EIF3L: variants seen among roughly 807,000 people sequenced by gnomAD.
EIF3L encodes eukaryotic translation initiation factor 3 subunit L, also known as eIEF associated protein HSPC021.
EIF3L carries 32 observed loss-of-function variants against 74.6 expected under a neutral mutation model. That is an observed-to-expected ratio of 0.43 (90% CI 0.32 to 0.58). The LOEUF is 0.58. Among genes scored for constraint, EIF3L ranks in the 20% least tolerant of loss-of-function variants. The pLI is 0.06. For missense variants in EIF3L, 474 were observed against 707.8 expected (o/e 0.67, Z 3.75); for synonymous variants, 256 against 254.4 (o/e 1.01, Z -0.06).
intron 10 of EIF3L, chr22:37,877,314 C>T (rs902044506): frequency 4.7e-6 from 1 of 211,042 alleles, no homozygotes; most frequent in Non-Finnish European, 9.6e-6. Context: ...TGTTGCACGG[C>T]ACATTACTAT....
chr22:37,850,003 C>T lies in EIF3L; in HGVS notation c.34-12C>T, dbSNP rs1432948652. 6.2e-7 allele frequency: 1 copy of T among 1,613,580 alleles called. No individual in the cohort carries two copies. The highest frequency in any genetic ancestry group is 1.3e-5 in the African/African-American group (1 of 74,900). On this transcript the variant is annotated splice_polypyrimidine_tract_variant and intron_variant, in intron 1 of 12. Coordinates refer to ENST00000652021, the MANE Select transcript of EIF3L (RefSeq NM_016091.4). ...TTGGCGGCTGTCCTTGACTGTGTCT[C>T]TTTCCTTCTAGGCGGCTTATGACCC...
chr22:37,880,323 C>T (rs987425060), intron 11 of EIF3L: 2 of 152,032 alleles, frequency 1.3e-5, no homozygotes, highest in Admixed American at 6.6e-5. Context: ...CTGTGTTAGC[C>T]AGGATGGTCT....
chr22:37,857,961 G>C (rs1925622849), intron 4 of EIF3L, among the ~76,000 whole-genome samples: 1 of 151,968 alleles, frequency 6.6e-6, no homozygotes, highest in South Asian at 2.1e-4. Flanking sequence ...CTTGAGGCTG[G>C]GAGATTTAGA....
At chr22:37,858,761 G>GT (rs367547054) in intron 5 of EIF3L, 21 bp downstream of exon 5, 27,846 of 1,271,664 alleles carry the variant, frequency 0.022, 3 homozygotes, top group South Asian at 0.026. Context: ...AAGTGTCGCA[G>GT]TTTTTTTTTT....
chr22:37,880,650 C>A (rs1927002046), intron 11 of EIF3L: 1 of 152,062 alleles, frequency 6.6e-6, no homozygotes, highest in South Asian at 2.1e-4. Flanking sequence ...GCCACTGTTC[C>A]CAGCCGATTT....
intron 11 of EIF3L, chr22:37,878,860 T>C: frequency 6.6e-6 from 1 of 152,138 alleles, no homozygotes; most frequent in Non-Finnish European, 1.5e-5. Context: ...GTTGCAATGT[T>C]AAATACGGTG....
At position 37,850,026 on chromosome 22, in the gene EIF3L, C is replaced by A. The variant is rs1052660684; in HGVS notation, c.45C>A (p.Asp15Glu). ...ADDYESEAAYDPYAYPSDYDM... is the reference protein window; with the variant it reads ...ADDYESEAAYEPYAYPSDYDM... Reference sequence around the variant, plus strand: ...CTCTTTCCTTCTAGGCGGCTTATGACCCCTACGCTTATCCCAGCGACTATG... The same window carrying A: ...CTCTTTCCTTCTAGGCGGCTTATGAACCCTACGCTTATCCCAGCGACTATG... The change falls in exon 2 of 13, where the codon GAC (aspartate) becomes GAA (glutamate). Residue 15 changes from aspartate (D) to glutamate (E), a missense_variant. Around this residue, in one of 4 missense-constraint regions of EIF3L, gnomAD observed 39 missense variants for 24.2 expected, o/e 1.61. Transcript: ENST00000652021. The A allele has an allele frequency of 6.2e-7, 1 of 1,613,766 alleles. No individual in the cohort carries two copies. The highest frequency in any genetic ancestry group is 8.5e-7 in the Non-Finnish European group (1 of 1,179,810).
intron 7 of EIF3L, among the ~76,000 whole-genome samples, chr22:37,863,770 AAG>A (rs953968502): frequency 2.5e-4 from 37 of 150,870 alleles, no homozygotes; most frequent in African/African-American, 8.8e-4. Flanking sequence ...TTTTTTTTTT[AAG>A]AGTCAGGGTC....
intron 3 of EIF3L, among the ~76,000 whole-genome samples, chr22:37,855,204 C>T (rs889670160): frequency 2.0e-5 from 3 of 152,040 alleles, no homozygotes; most frequent in Non-Finnish European, 4.4e-5. Context: ...TGTTTAGAGA[C>T]GTTTGGATGT....
Position 37,888,720 on chromosome 22 carries a change from T to C in EIF3L, c.*256T>C. 2.1e-6 allele frequency: 1 copy of C among 476,314 alleles called. No individual in the cohort carries two copies. The highest frequency in any genetic ancestry group is 3.7e-6 in the Non-Finnish European group (1 of 269,604). The allele number at this position is 476,314 out of a possible 1,614,324, so 29.5% of individuals were successfully genotyped here. A position where few individuals can be genotyped will look rare whatever the true frequency, so the allele number is the denominator to read the frequency against. ...TCCTGATGCTTTCAGGATACATCAG[T>C]TGTTAGTGTTTAAATTGAGTTATTT... On this transcript the variant is annotated 3_prime_UTR_variant, in exon 13 of 13. Transcript: ENST00000652021.
At chr22:37,855,311 T>G (rs1022377445) in intron 3 of EIF3L, among the ~76,000 whole-genome samples, 5 of 152,196 alleles carry the variant, frequency 3.3e-5, no homozygotes, top group Non-Finnish European at 7.3e-5. Context: ...CTATAGTTAA[T>G]GATACAGAGG....
intron 5 of EIF3L, among the ~76,000 whole-genome samples, chr22:37,862,721 GATC>G (rs1276087024): frequency 1.3e-5 from 2 of 152,164 alleles, no homozygotes; most frequent in African/African-American, 4.8e-5. Flanking sequence ...TGCTTTGCCA[GATC>G]ATCATCCCTG....
At chr22:37,868,314 G>A (rs548853784) in intron 7 of EIF3L, among the ~76,000 whole-genome samples, 23 of 149,544 alleles carry the variant, frequency 1.5e-4, no homozygotes, top group Admixed American at 4.0e-4. Context: ...TAGTAGAGAC[G>A]GGGTTTCACC....
At chr22:37,863,405 C>T (rs937945532) in intron 7 of EIF3L, 60 bp downstream of exon 7, 1 of 1,385,084 alleles carries the variant, frequency 7.2e-7, no homozygotes, top group Non-Finnish European at 1.0e-6. Flanking sequence ...ATAGCTGTTA[C>T]TATTGTTTGT....
intron 1 of EIF3L, 66 bp from the exon 2 acceptor site, chr22:37,849,949 C>T (rs1925084531): frequency 1.3e-6 from 2 of 1,574,748 alleles, no homozygotes; most frequent in South Asian, 2.2e-5. Flanking sequence ...GGCATCTAGA[C>T]TCTAGGATGA....
At chr22:37,878,215 G>T in intron 11 of EIF3L, 44 bp downstream of exon 11, 2 of 1,537,230 alleles carry the variant, frequency 1.3e-6, no homozygotes, top group Non-Finnish European at 1.7e-6. Context: ...TAAGTGTTCA[G>T]TATCTTTCAT....
chr22:37,857,143 C>T lies in EIF3L; in HGVS notation c.373+1499C>T, dbSNP rs554738781. On this transcript the variant is annotated intron_variant, in intron 4 of 12. Coordinates refer to ENST00000652021, the MANE Select transcript of EIF3L (RefSeq NM_016091.4). ...TTGGGAGGTGAAGGTGGACGGATCA[C>T]GAGGTCAGGAGATCGAGACCATCCT... Among the ~76,000 whole-genome samples, 10 of 151,834 alleles carry T rather than the reference C, an allele frequency of 6.6e-5. No homozygotes were observed. The South Asian group carries it at 1.5e-3, about 22-fold the overall frequency.
chr22:37,849,648 G>T, intron 1 of EIF3L, 166 bp downstream of exon 1: 4 of 747,296 alleles, frequency 5.4e-6, no homozygotes, highest in Non-Finnish European at 8.8e-6. Context: ...GACAACCCTG[G>T]CTCTGCCCGC....
At chr22:37,856,779 G>C (rs1925535284) in intron 4 of EIF3L, among the ~76,000 whole-genome samples, 1 of 151,708 alleles carries the variant, frequency 6.6e-6, no homozygotes, top group Admixed American at 6.6e-5. Flanking sequence ...GGAAGGCAGA[G>C]GTTGCGGTGA....
Sources: gnomAD v4.1 joint callset for allele counts (sites outside exome capture counted in the v4.1 genomes callset) on GRCh38, gnomAD v4.1.1 for gene constraint, gnomAD v4.1.1 regional missense constraint, MANE v1.5 for transcripts, NCBI Gene and HGNC (gene_info 2026-07-23, HGNC 2026-07-21) for gene names.